CNTNAP2: variants seen among roughly 807,000 people sequenced by gnomAD.
CNTNAP2 encodes the protein contactin-associated protein-like 2.
In CNTNAP2, 98 loss-of-function variants were observed where a neutral mutation model predicts 155.2. The observed-to-expected ratio is 0.63, with a 90% CI of 0.54 to 0.75. The LOEUF is 0.75. Among genes scored for constraint, CNTNAP2 ranks in the 30% least tolerant of loss-of-function variants. CNTNAP2 has a pLI of 0.00. For missense variants in CNTNAP2, 1,727 were observed against 1,688.1 expected, an observed-to-expected ratio of 1.02 and a Z score of -0.40; for synonymous variants, 651 against 631.2, an observed-to-expected ratio of 1.03 and a Z score of -0.47.
intron 1 of CNTNAP2, among the ~76,000 whole-genome samples, chr7:146,199,882 A>G (rs1436227447): frequency 6.6e-6 from 1 of 152,150 alleles, no homozygotes; most frequent in Admixed American, 6.5e-5. Flanking sequence ...TTCTGTTTCT[A>G]TGCTTGAAAA....
Position 146,839,817 on chromosome 7 carries a change from C to A in CNTNAP2, c.315C>A (p.Ser105Arg). Residue 105 changes from serine to arginine, a missense_variant, in exon 3 of 24, where the codon AGC becomes AGA. Ser to Arg is a moderately radical substitution (Grantham distance 110). Transcript: ENST00000361727. ...ISAIATQGRY[S>R]SSDWVTQYRM... ...CCATTGCAACCCAAGGAAGGTATAG[C>A]AGCTCAGATTGGGTGACCCAATACC... The A allele has an allele frequency of 6.2e-7, 1 of 1,614,172 alleles. No individual in the cohort carries two copies. Among genetic ancestry groups the A allele is most frequent in the Non-Finnish European group, 8.5e-7 (1 of 1,180,034 alleles).
chr7:146,953,005 A>G (rs981463252), intron 3 of CNTNAP2, among the ~76,000 whole-genome samples: 4 of 152,060 alleles, frequency 2.6e-5, no homozygotes, highest in Non-Finnish European at 4.4e-5. Flanking sequence ...ATGGCTTAAG[A>G]TTATTATATT....
intron 10 of CNTNAP2, among the ~76,000 whole-genome samples, chr7:147,424,810 C>T (rs1020821954): frequency 3.9e-5 from 6 of 152,104 alleles, no homozygotes; most frequent in Admixed American, 1.3e-4. Context: ...ATGTCAACTC[C>T]ATTCATCTAT....
rs938042461 is a variant in CNTNAP2 at position 147,376,570 on chromosome 7, T to A, written c.1499-19039T>A. On this transcript the variant is annotated intron_variant, in intron 9 of 23. Transcript: ENST00000361727. ...TCTCAGAGCGCCTTTTTCCTTGTGT[T>A]GTCTTAAAATATTTTTTGACACCTC... 3.9e-5 allele frequency among the ~76,000 whole-genome samples: 6 copies of A among 152,160 alleles called. No homozygotes were observed. The South Asian group carries it at 8.3e-4, about 21-fold the overall frequency.
chr7:148,278,007 G>A (rs1210892952), intron 21 of CNTNAP2, among the ~76,000 whole-genome samples: 4 of 152,156 alleles, frequency 2.6e-5, no homozygotes, highest in Non-Finnish European at 5.9e-5. Flanking sequence ...GCAGAGACAC[G>A]AGAGAACAAG....
intron 3 of CNTNAP2, among the ~76,000 whole-genome samples, chr7:146,876,307 G>T (rs1024342922): frequency 6.6e-6 from 1 of 151,724 alleles, no homozygotes; most frequent in Non-Finnish European, 1.5e-5. Context: ...AGTCCCCCAG[G>T]GCATGTTCTT....
chr7:147,461,755 TA>T (rs746705471), intron 10 of CNTNAP2, among the ~76,000 whole-genome samples: 1 of 152,308 alleles, frequency 6.6e-6, no homozygotes, highest in East Asian at 1.9e-4. Context: ...GTAACAATTT[TA>T]TAATATGCAT....
At chr7:147,552,298 T>C (rs2116767192) in intron 11 of CNTNAP2, among the ~76,000 whole-genome samples, 1 of 152,290 alleles carries the variant, frequency 6.6e-6, no homozygotes, top group Non-Finnish European at 1.5e-5. Flanking sequence ...TTTCATTAAA[T>C]TTAAAAGGCT....
intron 13 of CNTNAP2, among the ~76,000 whole-genome samples, chr7:147,722,123 C>G (rs190424097): frequency 1.5e-3 from 224 of 152,286 alleles, no homozygotes; most frequent in African/African-American, 5.1e-3. Context: ...GGGGCTAGCC[C>G]CAAACCATCA....
intron 12 of CNTNAP2, among the ~76,000 whole-genome samples, chr7:147,595,157 C>T (rs1406559721): frequency 1.3e-5 from 2 of 152,066 alleles, no homozygotes; most frequent in Non-Finnish European, 2.9e-5. Context: ...GGATCATCTC[C>T]TTCAATAAAA....
chr7:147,054,715 A>G lies in CNTNAP2; in HGVS notation c.550+10661A>G, dbSNP rs150663222. Among the ~76,000 whole-genome samples the G allele has an allele frequency of 3.6e-3, 545 of 152,260 alleles. 8 individuals are homozygous for G. The highest frequency in any genetic ancestry group is 0.014 in the Middle Eastern group (4 of 294). ...TAATTGTCCTCATGAATTAAAAGTA[A>G]CAACATAATAAAATAATTATTTAGT... On this transcript the variant is annotated intron_variant, in intron 4 of 23. Transcript: ENST00000361727.
intron 3 of CNTNAP2, among the ~76,000 whole-genome samples, chr7:146,981,207 G>A (rs1266277912): frequency 1.3e-5 from 2 of 152,012 alleles, no homozygotes; most frequent in Non-Finnish European, 2.9e-5. Flanking sequence ...AAAAATATAG[G>A]ACTACATGGT....
chr7:147,984,885 C>A (rs1315733101), intron 15 of CNTNAP2, among the ~76,000 whole-genome samples: 1 of 151,986 alleles, frequency 6.6e-6, no homozygotes, highest in Non-Finnish European at 1.5e-5. Context: ...GAGGCTGAGG[C>A]GGATGGATCA....
chr7:148,000,758 G>C (rs1010379515), intron 15 of CNTNAP2, among the ~76,000 whole-genome samples: 1 of 152,212 alleles, frequency 6.6e-6, no homozygotes, highest in Admixed American at 6.5e-5. Context: ...ATGAGGAAAA[G>C]ATAATGGCTA....
chr7:146,216,718 C>T (rs1210108658), intron 1 of CNTNAP2, among the ~76,000 whole-genome samples: 4 of 152,194 alleles, frequency 2.6e-5, no homozygotes, highest in African/African-American at 7.2e-5. Context: ...GAAACTGCCT[C>T]GCACTCTGGA....
intron 8 of CNTNAP2, among the ~76,000 whole-genome samples, chr7:147,155,478 G>A (rs1272686978): frequency 6.6e-6 from 1 of 152,130 alleles, no homozygotes; most frequent in Non-Finnish European, 1.5e-5. Context: ...GACATTTGGA[G>A]GAGGCCCCCT....
At chr7:146,306,825 A>T (rs1417313467) in intron 1 of CNTNAP2, among the ~76,000 whole-genome samples, 1 of 152,144 alleles carries the variant, frequency 6.6e-6, no homozygotes, top group African/African-American at 2.4e-5. Flanking sequence ...CTTGATGTAC[A>T]TATCTCAAAA....
rs1486152821 is a variant in CNTNAP2, at chr7:146,613,576, AATTT to A, written c.98-160690_98-160687del. Among the ~76,000 whole-genome samples the A allele has an allele frequency of 4.6e-5, 7 of 151,760 alleles. No individual in the cohort carries two copies. The South Asian group carries it at 1.0e-3, about 22-fold the overall frequency. ...CGAAAGAGTAAAAAAAGATAAAATT[AATTT>A]ATTTTATTTAATCCAAAAATATGAT... is the stretch of plus-strand genomic sequence containing the variant. On this transcript the variant is annotated intron_variant, in intron 1 of 23. Coordinates refer to ENST00000361727, the MANE Select transcript of CNTNAP2 (RefSeq NM_014141.6).
intron 1 of CNTNAP2, among the ~76,000 whole-genome samples, chr7:146,294,097 C>T (rs1242173024): frequency 6.6e-6 from 1 of 152,186 alleles, no homozygotes; most frequent in African/African-American, 2.4e-5. Context: ...TGGGCTTTCC[C>T]TTCTGGCTAG....
Sources: allele counts gnomAD v4.1 joint callset (sites outside exome capture counted in the v4.1 genomes callset), GRCh38; gene constraint gnomAD v4.1.1; transcripts MANE v1.5; gene names NCBI Gene and HGNC (gene_info 2026-07-23, HGNC 2026-07-21).